Variants in CABLES1 observed in about 807,000 individuals in gnomAD.
The protein encoded by CABLES1 is CDK5 and ABL1 enzyme substrate 1.
Under a neutral mutation model 57.8 loss-of-function variants are expected in CABLES1, and 36 were observed. The observed-to-expected ratio is 0.62, with a 90% CI of 0.48 to 0.82. CABLES1 has a LOEUF of 0.82. Among genes scored for constraint, CABLES1 ranks in the 40% least tolerant of loss-of-function variants. The probability of loss-of-function intolerance (pLI) is 0.00; values close to 1 mark genes in which losing one functional copy is unlikely to be tolerated. For missense variants in CABLES1, 767 were observed against 836.6 expected, an observed-to-expected ratio of 0.92 and a Z score of 1.03; for synonymous variants, 374 against 363.0, an observed-to-expected ratio of 1.03 and a Z score of -0.35.
chr18:23,237,402 C>T (rs2047629797), intron 7 of CABLES1, among the ~76,000 whole-genome samples, 157 bp downstream of exon 7: 1 of 152,244 alleles, frequency 6.6e-6, no homozygotes, highest in Non-Finnish European at 1.5e-5. Flanking sequence ...AGTATTGCCT[C>T]CTGTCCAGAA....
intron 9 of CABLES1, among the ~76,000 whole-genome samples, chr18:23,255,893 T>TG (rs2048153445): frequency 6.6e-6 from 1 of 152,118 alleles, no homozygotes; most frequent in African/African-American, 2.4e-5. Context: ...GTAACAGATA[T>TG]TTATAAAATT....
intron 1 of CABLES1, among the ~76,000 whole-genome samples, chr18:23,166,977 G>A (rs1277931604): frequency 2.6e-5 from 4 of 152,030 alleles, no homozygotes; most frequent in Non-Finnish European, 4.4e-5. Context: ...CATTTCCCCC[G>A]TTTTATAGCA....
At chr18:23,218,962 A>G (rs2047465245) in intron 4 of CABLES1, among the ~76,000 whole-genome samples, 1 of 152,194 alleles carries the variant, frequency 6.6e-6, no homozygotes, top group Non-Finnish European at 1.5e-5. Context: ...GCTGCCCACA[A>G]ATCCTGACCA....
chr18:23,145,847 G>C (rs937668716), intron 1 of CABLES1, among the ~76,000 whole-genome samples: 2 of 152,178 alleles, frequency 1.3e-5, no homozygotes, highest in African/African-American at 4.8e-5. Flanking sequence ...ATTGTGGTTT[G>C]GGGCTTATTA....
chr18:23,141,907 C>T (rs558584905), intron 1 of CABLES1, among the ~76,000 whole-genome samples: 2 of 152,246 alleles, frequency 1.3e-5, no homozygotes, highest in Admixed American at 6.5e-5. Flanking sequence ...GAGCCAAGGG[C>T]AGGTTTTCTG....
At chr18:23,230,207 C>T (rs2047557152) in intron 4 of CABLES1, among the ~76,000 whole-genome samples, 1 of 152,166 alleles carries the variant, frequency 6.6e-6, no homozygotes, top group Non-Finnish European at 1.5e-5. Context: ...CCTGTCTCTA[C>T]TAAAAATACA....
intron 4 of CABLES1, among the ~76,000 whole-genome samples, chr18:23,225,471 T>G (rs150870234): frequency 6.6e-6 from 1 of 152,096 alleles, no homozygotes; most frequent in Non-Finnish European, 1.5e-5. Context: ...TTATGGAACG[T>G]GAGGAGACCA....
intron 2 of CABLES1, among the ~76,000 whole-genome samples, chr18:23,192,079 G>A (rs768358737): frequency 3.9e-5 from 6 of 152,196 alleles, no homozygotes; most frequent in Non-Finnish European, 7.3e-5. Context: ...CTAGCACATC[G>A]TGGTTTGTTA....
At chr18:23,143,614 C>A (rs147259538) in intron 1 of CABLES1, among the ~76,000 whole-genome samples, 217 of 152,274 alleles carry the variant, frequency 1.4e-3, no homozygotes, top group Non-Finnish European at 2.2e-3. Flanking sequence ...AGGACAGAAT[C>A]GAGTAGTTGC....
At chr18:23,159,415 C>T (rs1156276448) in intron 1 of CABLES1, among the ~76,000 whole-genome samples, 1 of 152,246 alleles carries the variant, frequency 6.6e-6, no homozygotes, top group African/African-American at 2.4e-5. Flanking sequence ...GCTGCTTGCA[C>T]TGATAATGTA....
chr18:23,251,561 T>G (rs1235534489), intron 7 of CABLES1, among the ~76,000 whole-genome samples: 1 of 152,058 alleles, frequency 6.6e-6, no homozygotes, highest in African/African-American at 2.4e-5. Flanking sequence ...AGAAAAAAAT[T>G]GTTTAATTCA....
At chr18:23,240,126 A>G (rs2047698066) in intron 7 of CABLES1, among the ~76,000 whole-genome samples, 2 of 152,126 alleles carry the variant, frequency 1.3e-5, no homozygotes, top group South Asian at 4.1e-4. Context: ...TCAACAAAAC[A>G]AAACAAAAAC....
At chr18:23,246,078 C>T (rs1202927707) in intron 7 of CABLES1, among the ~76,000 whole-genome samples, 2 of 152,034 alleles carry the variant, frequency 1.3e-5, no homozygotes, top group Non-Finnish European at 2.9e-5. Flanking sequence ...CCATCCTGGC[C>T]AACGGTGTAA....
intron 7 of CABLES1, among the ~76,000 whole-genome samples, chr18:23,247,831 TGACTG>T (rs1474129962): frequency 2.6e-5 from 4 of 152,176 alleles, no homozygotes; most frequent in African/African-American, 4.8e-5. Context: ...ACCTAGAAGA[TGACTG>T]GAGAGCCTCG....
chr18:23,212,735 G>A (rs1359641250), intron 3 of CABLES1, among the ~76,000 whole-genome samples: 1 of 152,022 alleles, frequency 6.6e-6, no homozygotes, highest in Admixed American at 6.6e-5. Context: ...GTGCCCTCCT[G>A]GACGTCTGAA....
At position 23,136,030 on chromosome 18, in the gene CABLES1, G is replaced by A. The variant is rs775776896; in HGVS notation, c.268G>A (p.Glu90Lys). The A allele has an allele frequency of 2.6e-6, 3 of 1,137,542 alleles. No homozygotes were observed. Among genetic ancestry groups the A allele is most frequent in the Non-Finnish European group, 3.2e-6 (3 of 929,940 alleles). The allele number at this position is 1,137,542 out of a possible 1,614,324, so 70.5% of individuals were successfully genotyped here. The change falls in exon 1 of 10, where the codon GAG becomes AAG. Residue 90 changes from glutamate to lysine, a missense_variant. Around this residue, in one of 4 missense-constraint regions of CABLES1, gnomAD observed 198 missense variants for 149.7 expected, o/e 1.32. Transcript: ENST00000256925. ...PQDAEWGGGE[E>K]GGAAKPGAGG... ...GGACGCGGAGTGGGGCGGTGGCGAG[G>A]AGGGCGGCGCGGCCAAGCCGGGCGC...
intron 3 of CABLES1, among the ~76,000 whole-genome samples, chr18:23,202,632 C>T (rs1030398990): frequency 1.5e-4 from 23 of 152,214 alleles, no homozygotes; most frequent in Non-Finnish European, 1.5e-5. Context: ...CAGCCTCGCT[C>T]ATTGCTGGCC....
intron 3 of CABLES1, among the ~76,000 whole-genome samples, chr18:23,209,947 G>A (rs755129512): frequency 1.1e-4 from 17 of 152,228 alleles, no homozygotes; most frequent in Non-Finnish European, 1.9e-4. Context: ...AATTGTGGCT[G>A]TGGAAGCTTT....
Position 23,135,976 on chromosome 18 carries a change from A to G in CABLES1, c.214A>G (p.Ile72Val). ...RQAALSFLTNISLDGRLPPQD... is the reference protein window; with the variant it reads ...RQAALSFLTNVSLDGRLPPQD... ...GGCTGCCCTCTCCTTCCTCACCAAC[A>G]TCTCGCTGGACGGCCGGCTGCCGCC... The change falls in exon 1 of 10, where the codon ATC (isoleucine) becomes GTC (valine). Residue 72 changes from isoleucine (I) to valine (V), a missense_variant. By Grantham distance (29) the Ile-to-Val change is conservative. Coordinates refer to ENST00000256925, the MANE Select transcript of CABLES1 (RefSeq NM_001100619.3). 4.4e-6 allele frequency: 5 copies of G among 1,135,308 alleles called. No homozygotes were observed. The highest frequency in any genetic ancestry group is 4.3e-6 in the Non-Finnish European group (4 of 926,430). 70.3% of individuals were successfully genotyped at this position (1,135,308 alleles called of 1,614,324 possible). A position where few individuals can be genotyped will look rare whatever the true frequency, so the allele number is the denominator to read the frequency against.
Sources: gnomAD v4.1 joint callset for allele counts (sites outside exome capture counted in the v4.1 genomes callset) on GRCh38, gnomAD v4.1.1 for gene constraint, gnomAD v4.1.1 regional missense constraint, MANE v1.5 for transcripts, NCBI Gene and HGNC (gene_info 2026-07-23, HGNC 2026-07-21) for gene names.